The following MEI4 variants were observed in gnomAD, a reference collection of about 807,000 sequenced individuals.
MEI4 encodes meiotic double-stranded break formation protein 4.
MEI4 carries 27 observed loss-of-function variants against 31.4 expected under a neutral mutation model. The ratio of observed to expected loss-of-function variants is 0.86; its 90% CI spans 0.63 to 1.19. The LOEUF (loss-of-function observed/expected upper bound fraction) is 1.19. Ranked by LOEUF, MEI4 falls within the 50% of genes most tolerant of loss-of-function variation. The pLI is 0.00. For synonymous variants in MEI4, 122 were observed against 145.4 expected (o/e 0.84, Z 1.16); for missense variants, 329 against 398.9 (o/e 0.82, Z 1.49).
intron 3 of MEI4, among the ~76,000 whole-genome samples, chr6:77,784,376 G>GT (rs1461692867): frequency 1.3e-5 from 2 of 152,292 alleles, no homozygotes; most frequent in South Asian, 2.1e-4. Context: ...AGGAGACACT[G>GT]TATCGAGCAG....
At chr6:77,865,629 C>T (rs1582231822) in intron 4 of MEI4, among the ~76,000 whole-genome samples, 1 of 152,290 alleles carries the variant, frequency 6.6e-6, no homozygotes, top group Middle Eastern at 3.4e-3. Flanking sequence ...GATGGATTCA[C>T]AGCTGAGTTC....
intron 4 of MEI4, among the ~76,000 whole-genome samples, chr6:77,917,340 C>A (rs1353883895): frequency 1.3e-5 from 2 of 150,230 alleles, no homozygotes; most frequent in Non-Finnish European, 3.0e-5. Context: ...CCTGAGGAAT[C>A]GCCACACTGA....
intron 2 of MEI4, among the ~76,000 whole-genome samples, chr6:77,743,821 T>C (rs1007671049): frequency 1.1e-4 from 16 of 152,202 alleles, no homozygotes; most frequent in Non-Finnish European, 2.2e-4. Context: ...AAAAATCTGC[T>C]GTTATGCAGC....
chr6:77,879,332 G>A (rs1440992440), intron 4 of MEI4, among the ~76,000 whole-genome samples: 1 of 152,098 alleles, frequency 6.6e-6, no homozygotes. Context: ...ATGATGACAT[G>A]AAAAGTATGT....
intron 2 of MEI4, among the ~76,000 whole-genome samples, chr6:77,695,945 A>C (rs1766024059): frequency 6.6e-6 from 1 of 152,110 alleles, no homozygotes; most frequent in African/African-American, 2.4e-5. Flanking sequence ...TTCATTGAGC[A>C]GTGGTTTGTA....
intron 1 of MEI4, among the ~76,000 whole-genome samples, chr6:77,664,509 G>A (rs993448387): frequency 1.3e-5 from 2 of 152,156 alleles, no homozygotes; most frequent in Admixed American, 6.5e-5. Context: ...GAAACTGTAA[G>A]CCCCACCAGG....
intron 3 of MEI4, among the ~76,000 whole-genome samples, chr6:77,795,020 A>C (rs2127697626): frequency 6.6e-6 from 1 of 152,300 alleles, no homozygotes; most frequent in African/African-American, 2.4e-5. Flanking sequence ...AAATATATTA[A>C]GATGAAGAAA....
chr6:77,658,405 T>A (rs1296724527), intron 1 of MEI4, among the ~76,000 whole-genome samples: 3 of 152,194 alleles, frequency 2.0e-5, no homozygotes, highest in African/African-American at 7.2e-5. Context: ...GCCATCTGGA[T>A]GTATACGTGC....
At chr6:77,803,898 C>A (rs140501701) in intron 3 of MEI4, among the ~76,000 whole-genome samples, 21,813 of 152,178 alleles carry the variant, frequency 0.14, 1,717 homozygotes, top group East Asian at 0.27. Context: ...GGTTGCCTCC[C>A]AGTTAGGCTA....
chr6:77,692,553 G>A (rs1582027858), intron 2 of MEI4, among the ~76,000 whole-genome samples: 2 of 152,156 alleles, frequency 1.3e-5, no homozygotes, highest in East Asian at 1.9e-4. Context: ...GGAATAGTGA[G>A]TTGAATTAGA....
intron 3 of MEI4, among the ~76,000 whole-genome samples, chr6:77,763,655 G>A (rs1328161171): frequency 1.3e-5 from 2 of 152,106 alleles, no homozygotes; most frequent in Non-Finnish European, 2.9e-5. Context: ...TTCATTTCTT[G>A]TAGAGTCTTC....
At chr6:77,908,732 A>C (rs536029178) in intron 4 of MEI4, among the ~76,000 whole-genome samples, 1 of 152,290 alleles carries the variant, frequency 6.6e-6, no homozygotes, top group African/African-American at 2.4e-5. Context: ...TTAAACCAAC[A>C]AAGATCAAAA....
chr6:77,682,025 G>A (rs1047108564), intron 1 of MEI4, among the ~76,000 whole-genome samples: 1 of 152,120 alleles, frequency 6.6e-6, no homozygotes, highest in Non-Finnish European at 1.5e-5. Flanking sequence ...TTTGTCAGAC[G>A]GATCTAATCC....
chr6:77,846,399 C>T (rs1192457749), intron 4 of MEI4, among the ~76,000 whole-genome samples: 1 of 152,020 alleles, frequency 6.6e-6, no homozygotes, highest in African/African-American at 2.4e-5. Context: ...TCATTTCATG[C>T]CACTGAACAT....
At chr6:77,741,289 T>C (rs9361266) in intron 2 of MEI4, among the ~76,000 whole-genome samples, 22,803 of 152,136 alleles carry the variant, frequency 0.15, 2,060 homozygotes, top group East Asian at 0.4. Context: ...CTGAGGAACA[T>C]GGAGAACTCT....
chr6:77,761,871 C>T (rs1256679245), intron 3 of MEI4, among the ~76,000 whole-genome samples: 2 of 152,134 alleles, frequency 1.3e-5, no homozygotes, highest in African/African-American at 2.4e-5. Flanking sequence ...TGCATAGATG[C>T]CTTTGCTTCA....
At chr6:77,669,076 C>A (rs1344798800) in intron 1 of MEI4, among the ~76,000 whole-genome samples, 1 of 152,110 alleles carries the variant, frequency 6.6e-6, no homozygotes, top group Admixed American at 6.5e-5. Flanking sequence ...TTTATTTATC[C>A]TTCATTTTCT....
At chr6:77,848,535 A>G (rs1449376654) in intron 4 of MEI4, among the ~76,000 whole-genome samples, 1 of 152,192 alleles carries the variant, frequency 6.6e-6, no homozygotes, top group East Asian at 1.9e-4. Flanking sequence ...TAGAGAAAAA[A>G]GAGCAGTATG....
At chr6:77,742,448 G>C (rs1346580876) in intron 2 of MEI4, among the ~76,000 whole-genome samples, 1 of 151,988 alleles carries the variant, frequency 6.6e-6, no homozygotes, top group South Asian at 2.1e-4. Flanking sequence ...CATGTCCTTT[G>C]CCCACTTTTT....
Sources: allele counts gnomAD v4.1 joint callset (sites outside exome capture counted in the v4.1 genomes callset), GRCh38; gene constraint gnomAD v4.1.1; transcripts MANE v1.5; gene names NCBI Gene and HGNC (gene_info 2026-07-23, HGNC 2026-07-21).